Variants in AHRR observed in about 807,000 individuals in gnomAD.
AHRR encodes the protein aryl hydrocarbon receptor repressor.
In AHRR, 28 loss-of-function variants were observed where a neutral mutation model predicts 44.0. The observed-to-expected ratio is 0.64, with a 90% CI of 0.47 to 0.87. AHRR has a LOEUF of 0.87. Among genes scored for constraint, AHRR ranks in the 40% least tolerant of loss-of-function variants. AHRR has a pLI of 0.00. For missense variants in AHRR, 990 were observed against 953.9 expected (o/e 1.04, Z -0.50); for synonymous variants, 434 against 407.0 (o/e 1.07, Z -0.80).
chr5:423,513 AG>A (rs1194387076), intron 6 of AHRR, among the ~76,000 whole-genome samples: 1 of 152,204 alleles, frequency 6.6e-6, no homozygotes, highest in East Asian at 1.9e-4. Context: ...ATTCACGGAA[AG>A]TTTCCACCAT....
chr5:333,394 A>G (rs189373497), intron 1 of AHRR, among the ~76,000 whole-genome samples: 87 of 152,304 alleles, frequency 5.7e-4, no homozygotes, highest in African/African-American at 2.1e-3. Flanking sequence ...TCAGGAGTTC[A>G]AGATCAGCCT....
intron 4 of AHRR, among the ~76,000 whole-genome samples, chr5:381,772 C>T (rs1733996516): frequency 6.6e-6 from 1 of 152,132 alleles, no homozygotes; most frequent in Admixed American, 6.5e-5. Flanking sequence ...CCTTGGCCTC[C>T]CAAAGTGCTG....
At position 422,819 on chromosome 5, in the gene AHRR, C is replaced by A; in HGVS notation, c.532C>A (p.Pro178Thr). ...CRQLHWAMDPPQVVFGQPPPL... is the reference protein window; with the variant it reads ...CRQLHWAMDPTQVVFGQPPPL... ...GCAGCTCCACTGGGCCATGGACCCT[C>A]CCCAGGTGGTGTTTGGGCAGCCCCC... Residue 178 changes from proline to threonine, a missense_variant, in exon 6 of 11, where the codon CCC becomes ACC. Transcript: ENST00000684583. The A allele has an allele frequency of 6.2e-7, 1 of 1,614,042 alleles. No individual in the cohort carries two copies. Among genetic ancestry groups the A allele is most frequent in the African/African-American group, 1.3e-5 (1 of 75,042 alleles).
intron 1 of AHRR, among the ~76,000 whole-genome samples, chr5:330,102 C>A (rs1285420769): frequency 6.6e-6 from 1 of 152,032 alleles, no homozygotes; most frequent in African/African-American, 2.4e-5. Flanking sequence ...AGCTGTGGGT[C>A]TGTAATAAAT....
At chr5:385,433 C>T (rs1734140648) in intron 4 of AHRR, among the ~76,000 whole-genome samples, 1 of 152,148 alleles carries the variant, frequency 6.6e-6, no homozygotes, top group Non-Finnish European at 1.5e-5. Flanking sequence ...CCTCAGCCTC[C>T]CAAAGTGCTA....
chr5:391,323 ACGGGCG>A lies in AHRR; in HGVS notation c.351+14609_351+14614del, dbSNP rs1734412436. 7.5e-5 allele frequency among the ~76,000 whole-genome samples: 10 copies of A among 132,460 alleles called. 1 individual carries two copies. Among genetic ancestry groups the A allele is most frequent in the Non-Finnish European group, 1.5e-4 (9 of 60,512 alleles). The allele number at this position is 132,460 out of a possible 152,430, so 86.9% of individuals were successfully genotyped here. On this transcript the variant is annotated intron_variant, in intron 4 of 10. Transcript: ENST00000684583. ...ATTAGGAAGGTGGGCCAGAGCGTGC[ACGGGCG>A]CAGGGCGAGGCGGGCGCAGGGCGAG...
chr5:373,952 C>CG (rs1044652780), intron 3 of AHRR, among the ~76,000 whole-genome samples: 5 of 150,518 alleles, frequency 3.3e-5, no homozygotes, highest in African/African-American at 4.9e-5. Flanking sequence ...CGGGCGCCCG[C>CG]GGGGGGCACG....
chr5:435,934 A>G lies in AHRR; in HGVS notation c.*1100A>G, dbSNP rs1737010381. The G allele has an allele frequency of 6.5e-6, 1 of 152,784 alleles. No homozygotes were observed. Among genetic ancestry groups the G allele is most frequent in the Non-Finnish European group, 1.5e-5 (1 of 68,046 alleles). The allele number at this position is 152,784 out of a possible 1,614,324, so 9.5% of individuals were successfully genotyped here. On this transcript the variant is annotated 3_prime_UTR_variant, in exon 11 of 11. Coordinates refer to ENST00000684583, the MANE Select transcript of AHRR (RefSeq NM_001377236.1). ...CACCAATCCACCAACCCGAGAACCT[A>G]CAGCTGATGGTGCATTTCAGGCTTC...
intron 4 of AHRR, among the ~76,000 whole-genome samples, chr5:399,589 G>T (rs867172123): frequency 6.6e-6 from 1 of 152,312 alleles, no homozygotes; most frequent in African/African-American, 2.4e-5. Context: ...CACTGTTGCC[G>T]TCCCATCTTT....
At position 404,025 on chromosome 5, in the gene AHRR, C is replaced by T. The variant is rs575785881; in HGVS notation, c.352-9319C>T. ...GAACTTGGTGTTTTTTCTTAATCCACGGCTGAATCTGTTTAGTCTTTGCAT... is the reference window on the plus strand; with the variant it reads ...GAACTTGGTGTTTTTTCTTAATCCATGGCTGAATCTGTTTAGTCTTTGCAT... On this transcript the variant is annotated intron_variant, in intron 4 of 10. Coordinates refer to ENST00000684583, the MANE Select transcript of AHRR (RefSeq NM_001377236.1). This position sits in a 1 kb window ranked among gnomAD's most constrained non-coding sequence, Gnocchi z 4.1. 1.2e-4 allele frequency: 95 copies of T among 803,320 alleles called. No individual in the cohort carries two copies. Among genetic ancestry groups the T allele is most frequent in the Middle Eastern group, 3.6e-4 (1 of 2,788 alleles). The allele number at this position is 803,320 out of a possible 1,614,324, so 49.8% of individuals were successfully genotyped here. A position where few individuals can be genotyped will look rare whatever the true frequency, so the allele number is the denominator to read the frequency against.
chr5:350,611 C>T (rs924601424), intron 2 of AHRR, among the ~76,000 whole-genome samples: 32 of 152,296 alleles, frequency 2.1e-4, no homozygotes, highest in African/African-American at 7.2e-4. Context: ...CCACTAGGTG[C>T]TCCCCTTGTT....
At chr5:422,173 T>A (rs974090779) in intron 5 of AHRR, among the ~76,000 whole-genome samples, 1 of 152,114 alleles carries the variant, frequency 6.6e-6, no homozygotes, top group Non-Finnish European at 1.5e-5. Context: ...AGTGTCAGCC[T>A]CTGTCGCCAG....
At chr5:392,721 C>T (rs1027230688) in intron 4 of AHRR, among the ~76,000 whole-genome samples, 1 of 152,126 alleles carries the variant, frequency 6.6e-6, no homozygotes, top group African/African-American at 2.4e-5. Flanking sequence ...TCGGTGGAGG[C>T]TTGCATGCTG....
chr5:361,161 T>A (rs150790325), intron 3 of AHRR, among the ~76,000 whole-genome samples: 1 of 152,062 alleles, frequency 6.6e-6, no homozygotes, highest in African/African-American at 2.4e-5. Flanking sequence ...AGGCAGAGAA[T>A]TGCTTGAACC....
intron 2 of AHRR, among the ~76,000 whole-genome samples, chr5:345,028 G>C (rs529136790): frequency 7.1e-6 from 1 of 140,702 alleles, no homozygotes; most frequent in African/African-American, 2.7e-5. Flanking sequence ...GTGTGCGAGG[G>C]GGACTATGTG....
Position 353,710 on chromosome 5 carries a change from C to G in AHRR, c.63-20C>G. The G allele has an allele frequency of 6.3e-7, 1 of 1,595,058 alleles. No homozygotes were observed. The highest frequency in any genetic ancestry group is 8.5e-7 in the Non-Finnish European group (1 of 1,173,600). Reference sequence around the variant, plus strand: ...GCTTCTGGTGGAGAAGCCCACCTGACCCAGACCATCTCCCCACAGGAGGCC... The same window carrying G: ...GCTTCTGGTGGAGAAGCCCACCTGAGCCAGACCATCTCCCCACAGGAGGCC... On this transcript the variant is annotated intron_variant, in intron 2 of 10. Coordinates refer to ENST00000684583, the MANE Select transcript of AHRR (RefSeq NM_001377236.1).
chr5:353,366 C>T (rs936735798), intron 2 of AHRR, among the ~76,000 whole-genome samples: 6 of 152,210 alleles, frequency 3.9e-5, no homozygotes, highest in South Asian at 4.1e-4. Flanking sequence ...ACTCCTGCCC[C>T]GCCAGCCTGG....
chr5:341,694 CTTTATT>C (rs1742356149), intron 1 of AHRR, among the ~76,000 whole-genome samples: 1 of 151,838 alleles, frequency 6.6e-6, no homozygotes. Context: ...GCCAATTTTT[CTTTATT>C]TTTATGTTTT....
chr5:367,321 G>C (rs997061785), intron 3 of AHRR, among the ~76,000 whole-genome samples: 1 of 152,214 alleles, frequency 6.6e-6, no homozygotes, highest in Non-Finnish European at 1.5e-5. Context: ...GTGTGCATTT[G>C]TATGTTTGTG....
Sources: allele counts gnomAD v4.1 joint callset (sites outside exome capture counted in the v4.1 genomes callset), GRCh38; gene constraint gnomAD v4.1.1; non-coding constraint Gnocchi (gnomAD v3.1); transcripts MANE v1.5; gene names NCBI Gene and HGNC (gene_info 2026-07-23, HGNC 2026-07-21).